GPC6: variants seen among roughly 807,000 people sequenced by gnomAD.
GPC6 encodes glypican 6, also known as glypican-6.
A neutral mutation model predicts 55.2 loss-of-function variants in GPC6; 14 were observed. The observed-to-expected ratio is 0.25, with a 90% confidence interval of 0.17 to 0.40. GPC6 has a LOEUF of 0.40. GPC6 is among the 10% of genes least tolerant of loss of function. GPC6 has a pLI of 1.00. For missense variants in GPC6, 641 were observed against 708.5 expected, an observed-to-expected ratio of 0.90 and a Z score of 1.08; for synonymous variants, 278 against 259.6, an observed-to-expected ratio of 1.07 and a Z score of -0.68.
chr13:93,969,875 C>T (rs772140095), intron 3 of GPC6, among the ~76,000 whole-genome samples: 2 of 152,078 alleles, frequency 1.3e-5, no homozygotes, highest in Non-Finnish European at 2.9e-5. Context: ...CCTCCAGTTC[C>T]ATCCACGTTG....
At chr13:93,904,666 G>A (rs1160550117) in intron 3 of GPC6, among the ~76,000 whole-genome samples, 5 of 152,132 alleles carry the variant, frequency 3.3e-5, no homozygotes, top group African/African-American at 1.2e-4. Flanking sequence ...AGCCAGGGAG[G>A]TTGAGGCTGC....
chr13:93,688,371 C>T (rs940156809), intron 2 of GPC6, among the ~76,000 whole-genome samples: 1 of 152,014 alleles, frequency 6.6e-6, no homozygotes, highest in Non-Finnish European at 1.5e-5. Flanking sequence ...TTTGGCTGTT[C>T]CTTAAAAAGT....
chr13:93,631,944 C>T (rs1181306576), intron 2 of GPC6, among the ~76,000 whole-genome samples: 1 of 152,136 alleles, frequency 6.6e-6, no homozygotes, highest in African/African-American at 2.4e-5. Context: ...GTTTCTCTAT[C>T]ATGTTATACC....
chr13:93,997,861 A>C (rs1881628005), intron 3 of GPC6, among the ~76,000 whole-genome samples: 1 of 152,164 alleles, frequency 6.6e-6, no homozygotes, highest in African/African-American at 2.4e-5. Context: ...GTGAAGTTAA[A>C]CGTAAGGGAA....
chr13:93,290,605 A>G (rs1439045121), intron 1 of GPC6, among the ~76,000 whole-genome samples: 1 of 152,098 alleles, frequency 6.6e-6, no homozygotes, highest in Non-Finnish European at 1.5e-5. Flanking sequence ...TCCCCTCCCC[A>G]TTACTGGAAT....
chr13:93,905,073 CTCTCTT>C (rs1483088291), intron 3 of GPC6, among the ~76,000 whole-genome samples: 1 of 108,856 alleles, frequency 9.2e-6, no homozygotes, highest in African/African-American at 3.5e-5. Flanking sequence ...TCTAAGCATT[CTCTCTT>C]TTTTTTTTTT....
At chr13:94,112,035 G>A (rs1886267242) in intron 4 of GPC6, among the ~76,000 whole-genome samples, 1 of 152,050 alleles carries the variant, frequency 6.6e-6, no homozygotes. Flanking sequence ...CCCAAGAAAA[G>A]TAAACATCGT....
chr13:93,331,696 G>T (rs1264165262), intron 1 of GPC6, among the ~76,000 whole-genome samples: 1 of 151,364 alleles, frequency 6.6e-6, no homozygotes, highest in Non-Finnish European at 1.5e-5. Flanking sequence ...CATATTATTT[G>T]TCCTTTACCA....
intron 2 of GPC6, among the ~76,000 whole-genome samples, chr13:93,551,909 A>G (rs1349300906): frequency 1.3e-5 from 2 of 152,210 alleles, no homozygotes; most frequent in South Asian, 2.1e-4. Context: ...GTGTATAATC[A>G]TACACACACA....
At chr13:93,872,098 A>G (rs1176207994) in intron 3 of GPC6, among the ~76,000 whole-genome samples, 4 of 151,976 alleles carry the variant, frequency 2.6e-5, no homozygotes, top group East Asian at 1.9e-4. Context: ...AATCTCTGAC[A>G]TTATTTACAT....
In GPC6 at chr13:93,912,564, A is replaced by G. The variant is rs1015614046; in HGVS notation, c.711+82019A>G. On this transcript the variant is annotated intron_variant, in intron 3 of 8. Coordinates refer to ENST00000377047, the MANE Select transcript of GPC6 (RefSeq NM_005708.5). ...CGAGACCATCCTGGCTAACACGGTG[A>G]AACCCCATCTCTACTAAAAATACAA... Among the ~76,000 whole-genome samples, 19 of 152,212 alleles carry G rather than the reference A, an allele frequency of 1.2e-4. No homozygotes were observed. The East Asian group carries it at 3.1e-3, about 25-fold the overall frequency.
chr13:94,296,749 T>G (rs79710828), intron 5 of GPC6, among the ~76,000 whole-genome samples: 2,298 of 152,310 alleles, frequency 0.015, 31 homozygotes, highest in East Asian at 0.036. Context: ...CCCTCGTGCA[T>G]ATTTCAAACT....
At chr13:93,568,983 C>T (rs190295850) in intron 2 of GPC6, among the ~76,000 whole-genome samples, 13 of 152,256 alleles carry the variant, frequency 8.5e-5, no homozygotes, top group African/African-American at 2.6e-4. Flanking sequence ...GAACTTGTAT[C>T]AAGTCCAGGC....
intron 2 of GPC6, among the ~76,000 whole-genome samples, chr13:93,681,685 AG>A (rs1247199717): frequency 6.6e-6 from 1 of 152,202 alleles, no homozygotes; most frequent in Non-Finnish European, 1.5e-5. Flanking sequence ...TCAGTTTTAA[AG>A]GAAGCAATCC....
At chr13:93,963,286 T>C (rs1182456170) in intron 3 of GPC6, among the ~76,000 whole-genome samples, 1 of 152,092 alleles carries the variant, frequency 6.6e-6, no homozygotes, top group African/African-American at 2.4e-5. Flanking sequence ...GCCACACATA[T>C]TTTAGCTACT....
chr13:94,142,856 G>A (rs962943384), intron 4 of GPC6, among the ~76,000 whole-genome samples: 1 of 150,618 alleles, frequency 6.6e-6, no homozygotes, highest in East Asian at 1.9e-4. Context: ...TTGAGACTGA[G>A]GCTCTCTCTG....
chr13:94,092,073 G>A (rs1253295207), intron 4 of GPC6, among the ~76,000 whole-genome samples: 1 of 139,638 alleles, frequency 7.2e-6, no homozygotes, highest in East Asian at 2.2e-4. Context: ...CATGATTAAG[G>A]CAATTCACAC....
At chr13:93,337,642 T>C (rs531485635) in intron 1 of GPC6, among the ~76,000 whole-genome samples, 18 of 152,266 alleles carry the variant, frequency 1.2e-4, no homozygotes, top group African/African-American at 4.1e-4. Flanking sequence ...AACTAATGCA[T>C]CAAGTCGACT....
intron 4 of GPC6, among the ~76,000 whole-genome samples, chr13:94,256,392 A>T (rs1414862224): frequency 6.6e-6 from 1 of 152,198 alleles, no homozygotes; most frequent in African/African-American, 2.4e-5. Context: ...TGGGTGCATA[A>T]GATGTATTAA....
Sources: allele counts gnomAD v4.1 joint callset (sites outside exome capture counted in the v4.1 genomes callset), GRCh38; gene constraint gnomAD v4.1.1; transcripts MANE v1.5; gene names NCBI Gene and HGNC (gene_info 2026-07-23, HGNC 2026-07-21).